MPPED2: variants seen among roughly 807,000 people sequenced by gnomAD.
The protein encoded by MPPED2 is metallophosphoesterase domain containing 2, also known as metallophosphoesterase MPPED2.
In MPPED2, 5 loss-of-function variants were observed where a neutral mutation model predicts 33.0. The observed-to-expected ratio is 0.15, with a 90% CI of 0.08 to 0.32. The LOEUF (loss-of-function observed/expected upper bound fraction) is 0.32. MPPED2 is among the 10% of genes least tolerant of loss of function. The probability of loss-of-function intolerance (pLI) is 1.00; values close to 1 mark genes in which losing one functional copy is unlikely to be tolerated. For synonymous variants in MPPED2, 136 were observed against 141.9 expected (o/e 0.96, Z 0.29); for missense variants, 275 against 372.1 (o/e 0.74, Z 2.15).
chr11:30,525,411 T>A (rs1357999935), intron 3 of MPPED2, among the ~76,000 whole-genome samples: 1 of 152,146 alleles, frequency 6.6e-6, no homozygotes, highest in African/African-American at 2.4e-5. Flanking sequence ...GCCGCTTTTT[T>A]ATTTTGTTTA....
intron 2 of MPPED2, among the ~76,000 whole-genome samples, chr11:30,542,174 T>A (rs548378901): frequency 6.6e-6 from 1 of 152,342 alleles, no homozygotes; most frequent in South Asian, 2.1e-4. Flanking sequence ...GGCCTTTGCC[T>A]TACTCACTTG....
chr11:30,388,958 TA>T, intron 6 of MPPED2: 1 of 1,559,384 alleles, frequency 6.4e-7, no homozygotes, highest in South Asian at 1.2e-5. Flanking sequence ...CAGGGTTTAC[TA>T]AAGGGGAGAG....
At chr11:30,421,342 A>G (rs997299594) in intron 4 of MPPED2, among the ~76,000 whole-genome samples, 3 of 152,142 alleles carry the variant, frequency 2.0e-5, no homozygotes, top group Non-Finnish European at 4.4e-5. Flanking sequence ...GAGACCCAAA[A>G]TTTCATTTGG....
intron 3 of MPPED2, among the ~76,000 whole-genome samples, chr11:30,523,849 C>G (rs1954009844): frequency 6.6e-6 from 1 of 152,104 alleles, no homozygotes; most frequent in Non-Finnish European, 1.5e-5. Context: ...AAGAAGACCT[C>G]ACCAAAGAGG....
At chr11:30,482,846 AT>A (rs1951552151) in intron 4 of MPPED2, among the ~76,000 whole-genome samples, 1 of 152,152 alleles carries the variant, frequency 6.6e-6, no homozygotes, top group South Asian at 2.1e-4. Context: ...AAACTTCAAA[AT>A]TTCCTATGAA....
chr11:30,495,320 C>T lies in MPPED2; in HGVS notation c.512G>A (p.Gly171Glu). 2 of 1,613,636 alleles carry T rather than the reference C, an allele frequency of 1.2e-6. No individual in the cohort carries two copies. The highest frequency in any genetic ancestry group is 1.7e-6 in the Non-Finnish European group (2 of 1,179,572). The change falls in exon 4 of 7, where the codon GGA becomes GAA. Residue 171 changes from glycine (G) to glutamate (E), a missense_variant. By Grantham distance (98) the Gly-to-Glu change is moderately conservative (BLOSUM62 -2). Coordinates refer to ENST00000358117, the MANE Select transcript of MPPED2 (RefSeq NM_001584.3). ...CCAAGGTGCACCGTATATCCTGAAT[C>T]CCTTCACTGTTACCTCCGAATCTTG... ...YLQDSEVTVK[G>E]FRIYGAPWTP...
chr11:30,457,370 T>C (rs891780252), intron 4 of MPPED2, among the ~76,000 whole-genome samples: 2 of 127,270 alleles, frequency 1.6e-5, no homozygotes, highest in African/African-American at 6.5e-5. Context: ...GCATTTTGAC[T>C]TCCTAATTTT....
At chr11:30,568,933 T>C (rs1263071931) in intron 2 of MPPED2, among the ~76,000 whole-genome samples, 1 of 152,192 alleles carries the variant, frequency 6.6e-6, no homozygotes, top group Non-Finnish European at 1.5e-5. Flanking sequence ...TTTTTTGTTC[T>C]CTTTTGTCCA....
At chr11:30,513,089 C>A (rs1343862755) in intron 3 of MPPED2, among the ~76,000 whole-genome samples, 1 of 151,850 alleles carries the variant, frequency 6.6e-6, no homozygotes, top group African/African-American at 2.4e-5. Context: ...TGGGCCATGA[C>A]CTTAAAAAAA....
intron 1 of MPPED2, among the ~76,000 whole-genome samples, chr11:30,583,134 C>CTTTTTCTTTTTTTT (rs1957251845): frequency 2.1e-5 from 2 of 96,712 alleles, no homozygotes; most frequent in African/African-American, 9.7e-5. Context: ...AAGACTTTTT[C>CTTTTTCTTTTTTTT]TTTTTTTTTT....
chr11:30,418,024 A>G (rs1159859662), intron 4 of MPPED2, among the ~76,000 whole-genome samples: 1 of 152,020 alleles, frequency 6.6e-6, no homozygotes, highest in Non-Finnish European at 1.5e-5. Context: ...CTTCTCCCTC[A>G]CAATCACTGT....
intron 4 of MPPED2, among the ~76,000 whole-genome samples, chr11:30,472,361 G>GAATAATAATAATAATAAT (rs35857172): frequency 1.1e-4 from 16 of 150,756 alleles, no homozygotes; most frequent in African/African-American, 3.9e-4. Flanking sequence ...GGCCTGTCTC[G>GAATAATAATAATAATAAT]AATAATAATA....
chr11:30,560,858 T>C (rs187991092), intron 2 of MPPED2, among the ~76,000 whole-genome samples: 123 of 152,254 alleles, frequency 8.1e-4, no homozygotes, highest in African/African-American at 2.8e-3. Context: ...CCCCACCTGG[T>C]GTGGAAGAAA....
chr11:30,411,454 G>C lies in MPPED2; in HGVS notation c.*14C>G, dbSNP rs1379783927. The C allele has an allele frequency of 5.6e-6, 9 of 1,610,748 alleles. No homozygotes were observed. The East Asian group carries it at 2.0e-4, about 36-fold the overall frequency. On this transcript the variant is annotated 3_prime_UTR_variant, in exon 7 of 7. Coordinates refer to ENST00000358117, the MANE Select transcript of MPPED2 (RefSeq NM_001584.3). ...ATAGACCTTCCCTCACATTCCAATA[G>C]GGCATTTAGAGCTTCAGGAACCCTG...
chr11:30,389,045 G>A (rs1947737562), intron 6 of MPPED2: 1 of 1,444,606 alleles, frequency 6.9e-7, no homozygotes, highest in Non-Finnish European at 9.1e-7. Flanking sequence ...ATGGTGTCTT[G>A]ATTACCTTCC....
chr11:30,420,284 CAGA>C (rs1318587890), intron 4 of MPPED2, among the ~76,000 whole-genome samples: 2 of 152,100 alleles, frequency 1.3e-5, no homozygotes, highest in African/African-American at 2.4e-5. Context: ...GCTTTGAACA[CAGA>C]AGAAGGAGAC....
At position 30,536,193 on chromosome 11, in the gene MPPED2, G is replaced by A; in HGVS notation, c.129-18C>T. On this transcript the variant is annotated intron_variant, in intron 2 of 6. Transcript: ENST00000358117. ...GGTCGACCCTAAAGTAGACATAACA[G>A]ATCCCATAACAGTTAAACATATTAG... 1 of 1,562,184 alleles carries A rather than the reference G, an allele frequency of 6.4e-7. No homozygotes were observed. Among genetic ancestry groups the A allele is most frequent in the Non-Finnish European group, 8.6e-7 (1 of 1,156,798 alleles).
At chr11:30,485,039 GA>G (rs1301215437) in intron 4 of MPPED2, among the ~76,000 whole-genome samples, 3 of 152,016 alleles carry the variant, frequency 2.0e-5, no homozygotes, top group Admixed American at 6.5e-5. Context: ...ACCTTTCGGG[GA>G]AAAAAATAAT....
At chr11:30,546,608 C>A (rs1446049430) in intron 2 of MPPED2, among the ~76,000 whole-genome samples, 1 of 152,110 alleles carries the variant, frequency 6.6e-6, no homozygotes, top group Non-Finnish European at 1.5e-5. Flanking sequence ...GCTAATGGGC[C>A]TTCTTTAAAG....
Sources: allele counts gnomAD v4.1 joint callset (sites outside exome capture counted in the v4.1 genomes callset), GRCh38; gene constraint gnomAD v4.1.1; transcripts MANE v1.5; gene names NCBI Gene and HGNC (gene_info 2026-07-23, HGNC 2026-07-21).